RCOR1: variants seen among roughly 807,000 people sequenced by gnomAD.
RCOR1 encodes the protein REST corepressor 1.
Under a neutral mutation model 64.0 loss-of-function variants are expected in RCOR1, and 12 were observed. That is an observed-to-expected ratio of 0.19 (90% confidence interval 0.12 to 0.30). The LOEUF is 0.30. Among genes scored for constraint, RCOR1 ranks in the 10% least tolerant of loss-of-function variants. RCOR1 has a pLI of 1.00. For synonymous variants in RCOR1, 279 were observed against 227.2 expected (o/e 1.23, Z -2.05); for missense variants, 502 against 621.2 (o/e 0.81, Z 2.04).
chr14:102,705,582 G>A (rs1157705412), intron 4 of RCOR1, among the ~76,000 whole-genome samples: 7 of 152,244 alleles, frequency 4.6e-5, no homozygotes, highest in Middle Eastern at 6.8e-3. Context: ...CCAAGTAGCT[G>A]CAGTTACAGG....
intron 8 of RCOR1, among the ~76,000 whole-genome samples, chr14:102,717,673 G>A (rs1896092884): frequency 6.6e-6 from 1 of 152,164 alleles, no homozygotes; most frequent in African/African-American, 2.4e-5. Context: ...CCTCTGCTGA[G>A]TGAGCTCCTG....
intron 2 of RCOR1, among the ~76,000 whole-genome samples, chr14:102,603,943 G>A (rs1339584566): frequency 2.0e-5 from 3 of 152,104 alleles, no homozygotes; most frequent in African/African-American, 7.2e-5. Flanking sequence ...TGTTAGAATT[G>A]CACATATGTT....
chr14:102,714,593 G>A lies in RCOR1; in HGVS notation c.1029G>A (p.Met343Ile), dbSNP rs370422125. 9.9e-6 allele frequency: 16 copies of A among 1,608,148 alleles called. No homozygotes were observed. The highest frequency in any genetic ancestry group is 1.4e-5 in the Non-Finnish European group (16 of 1,176,690). Residue 343 changes from methionine (M) to isoleucine (I), a missense_variant, in exon 8 of 12, where the codon ATG (methionine) becomes ATA (isoleucine). Met to Ile is a conservative substitution (Grantham distance 10). Around this residue, in one of 2 missense-constraint regions of RCOR1, gnomAD observed 260 missense variants for 416.4 expected, o/e 0.62. Coordinates refer to ENST00000262241, the MANE Select transcript of RCOR1 (RefSeq NM_015156.4). ...AATTVLRQLD[M>I]ELVSVKRQIQ... Reference sequence around the variant, plus strand: ...CCACGGTGCTGAGACAACTAGACATGGAATTGGTTTCAGTCAAACGACAGG... The same window carrying A: ...CCACGGTGCTGAGACAACTAGACATAGAATTGGTTTCAGTCAAACGACAGG...
intron 2 of RCOR1, among the ~76,000 whole-genome samples, chr14:102,646,540 A>C (rs183446556): frequency 6.6e-6 from 1 of 152,346 alleles, no homozygotes; most frequent in Admixed American, 6.5e-5. Flanking sequence ...TTGCAGGACA[A>C]ATTTTCAATA....
chr14:102,691,987 A>G (rs929861483), intron 3 of RCOR1, among the ~76,000 whole-genome samples: 25 of 152,232 alleles, frequency 1.6e-4, no homozygotes, highest in African/African-American at 5.3e-4. Flanking sequence ...ACTGGTTTAC[A>G]CTGCTACCAG....
intron 2 of RCOR1, among the ~76,000 whole-genome samples, chr14:102,649,593 C>T (rs574944433): frequency 3.3e-5 from 5 of 152,264 alleles, no homozygotes; most frequent in East Asian, 1.9e-4. Context: ...TCAGAGGCAG[C>T]GTTTTCTAGC....
intron 2 of RCOR1, chr14:102,662,604 C>T (rs1437422025): frequency 1.3e-5 from 6 of 445,840 alleles, no homozygotes; most frequent in East Asian, 5.4e-5. Context: ...TTTTTTTTTT[C>T]CGGCTGTGGA....
At chr14:102,612,875 T>C (rs1893660173) in intron 2 of RCOR1, among the ~76,000 whole-genome samples, 1 of 149,364 alleles carries the variant, frequency 6.7e-6, no homozygotes, top group Non-Finnish European at 1.5e-5. Context: ...GAGGATTGCT[T>C]GAACCCATGG....
At chr14:102,613,560 G>A (rs1437813128) in intron 2 of RCOR1, among the ~76,000 whole-genome samples, 1 of 151,262 alleles carries the variant, frequency 6.6e-6, no homozygotes, top group African/African-American at 2.4e-5. Context: ...AGCCTCCCGA[G>A]TAGCTGGGAC....
At chr14:102,697,991 G>A (rs1363762965) in intron 3 of RCOR1, among the ~76,000 whole-genome samples, 1 of 152,142 alleles carries the variant, frequency 6.6e-6, no homozygotes, top group Non-Finnish European at 1.5e-5. Flanking sequence ...AAAGTGCTGG[G>A]ATTACTGGCA....
At chr14:102,660,761 C>G (rs1894811157) in intron 2 of RCOR1, among the ~76,000 whole-genome samples, 1 of 152,134 alleles carries the variant, frequency 6.6e-6, no homozygotes, top group Non-Finnish European at 1.5e-5. Context: ...TGGTTTTTGG[C>G]TGTTGTTAAA....
intron 2 of RCOR1, among the ~76,000 whole-genome samples, chr14:102,598,904 G>T (rs1383701721): frequency 2.0e-5 from 3 of 151,918 alleles, no homozygotes; most frequent in Non-Finnish European, 4.4e-5. Context: ...CCTAAGTGCA[G>T]CCCTACACTT....
intron 2 of RCOR1, among the ~76,000 whole-genome samples, chr14:102,608,678 A>G (rs1893565596): frequency 6.6e-6 from 1 of 151,334 alleles, no homozygotes; most frequent in South Asian, 2.1e-4. Flanking sequence ...CAGGTGATAC[A>G]CCTGTCTCGG....
chr14:102,649,064 AAC>A (rs200836836), intron 2 of RCOR1, among the ~76,000 whole-genome samples: 4,200 of 146,720 alleles, frequency 0.029, 49 homozygotes, highest in East Asian at 0.043. Context: ...AAGCAAAAAA[AAC>A]AAAAAAAAAA....
intron 2 of RCOR1, among the ~76,000 whole-genome samples, chr14:102,624,587 G>A (rs1264458070): frequency 6.6e-6 from 1 of 152,130 alleles, no homozygotes; most frequent in African/African-American, 2.4e-5. Context: ...GCAACCTGGT[G>A]AAACACTCTC....
chr14:102,637,978 C>G (rs995608724), intron 2 of RCOR1, among the ~76,000 whole-genome samples: 10 of 152,118 alleles, frequency 6.6e-5, no homozygotes, highest in Admixed American at 1.3e-4. Context: ...TTATCCATTT[C>G]TTTTTGTTCC....
chr14:102,602,195 A>G (rs768889993), intron 2 of RCOR1, among the ~76,000 whole-genome samples: 4 of 151,358 alleles, frequency 2.6e-5, no homozygotes, highest in African/African-American at 9.7e-5. Flanking sequence ...TTTTCTTGTT[A>G]TTGTTAGTGT....
intron 2 of RCOR1, among the ~76,000 whole-genome samples, chr14:102,622,785 G>A (rs535366779): frequency 1.3e-5 from 2 of 152,030 alleles, no homozygotes; most frequent in South Asian, 2.1e-4. Flanking sequence ...CTTTTTCTTT[G>A]TTGCCATTTC....
Position 102,689,523 on chromosome 14 carries a change from G to A in RCOR1, c.445+7545G>A, listed in dbSNP as rs189639123. Among the ~76,000 whole-genome samples the A allele has an allele frequency of 5.9e-5, 9 of 152,314 alleles. No individual in the cohort carries two copies. In the East Asian group the frequency reaches 1.7e-3, roughly 29 times the overall value. The stretch of plus-strand genomic sequence containing the variant: ...CCTTGGGTGTAGAATTTAGCAAGGT[G>A]ACTTTTGGCTATTGGATATCCATAG... On this transcript the variant is annotated intron_variant, in intron 3 of 11. Transcript: ENST00000262241.
Sources: gnomAD v4.1 joint callset for allele counts (sites outside exome capture counted in the v4.1 genomes callset) on GRCh38, gnomAD v4.1.1 for gene constraint, gnomAD v4.1.1 regional missense constraint, MANE v1.5 for transcripts, NCBI Gene and HGNC (gene_info 2026-07-23, HGNC 2026-07-21) for gene names.